Variants in CPT1C observed in about 807,000 individuals in gnomAD.
CPT1C encodes palmitoyl thioesterase CPT1C.
Under a neutral mutation model 97.3 loss-of-function variants are expected in CPT1C, and 61 were observed. The ratio of observed to expected loss-of-function variants is 0.63; its 90% CI spans 0.51 to 0.78. CPT1C has a LOEUF of 0.78. Among genes scored for constraint, CPT1C ranks in the 30% least tolerant of loss-of-function variants. The pLI is 0.00. For missense variants in CPT1C, 975 were observed against 1,065.5 expected (o/e 0.92, Z 1.18); for synonymous variants, 469 against 447.2 (o/e 1.05, Z -0.61).
intron 17 of CPT1C, chr19:49,712,492 G>A (rs2083958952): frequency 3.7e-6 from 2 of 543,186 alleles, no homozygotes; most frequent in East Asian, 3.2e-5. Context: ...GGGGATAAGA[G>A]GAAAGGGCGT....
At position 49,705,275 on chromosome 19, in the gene CPT1C, C is replaced by T. The variant is rs779343090; in HGVS notation, c.941C>T (p.Thr314Met). Residue 314 changes from threonine to methionine, a missense_variant, in exon 10 of 20, where the codon ACG becomes ATG. Around this residue, in one of 3 missense-constraint regions of CPT1C, gnomAD observed 596 missense variants for 603.1 expected, o/e 0.99. Coordinates refer to ENST00000598293, the MANE Select transcript of CPT1C (RefSeq NM_001199753.2). ...SAQYEKIFNT[T>M]RIPGVQKDYI... Reference sequence around the variant, plus strand: ...CAGTACGAGAAGATCTTCAACACCACGCGGATTCCAGGGGTCCAAAAAGGT... The same window carrying T: ...CAGTACGAGAAGATCTTCAACACCATGCGGATTCCAGGGGTCCAAAAAGGT... The T allele has an allele frequency of 8.7e-6, 14 of 1,603,582 alleles. No homozygotes were observed. The highest frequency in any genetic ancestry group is 1.7e-5 in the Admixed American group (1 of 59,538).
chr19:49,701,769 A>T (rs2083075913), intron 7 of CPT1C, 135 bp downstream of exon 7: 1 of 863,212 alleles, frequency 1.2e-6, no homozygotes, highest in Non-Finnish European at 1.6e-6. Context: ...AAGGGTCAAT[A>T]CCCTGAGCCC....
intron 2 of CPT1C, 65 bp from the exon 3 acceptor site, chr19:49,692,174 G>C: frequency 6.4e-7 from 1 of 1,554,248 alleles, no homozygotes; most frequent in Non-Finnish European, 8.7e-7. Flanking sequence ...GGGGCTGGGG[G>C]CCTGGACTCC....
Position 49,692,319 on chromosome 19 carries a change from C to T in CPT1C, c.67C>T (p.Leu23Phe), listed in dbSNP as rs1238683879. The part of the protein sequence containing the change: ...SLTSDGAEVE[L>F]SAPVLQEIYL... Reference sequence around the variant, plus strand: ...GACCTCGGACGGGGCTGAAGTGGAACTCAGTGCCCCTGTGCTGCAGGAGAT... The same window carrying T: ...GACCTCGGACGGGGCTGAAGTGGAATTCAGTGCCCCTGTGCTGCAGGAGAT... Residue 23 changes from leucine (L) to phenylalanine (F), a missense_variant, in exon 3 of 20, where the codon CTC (leucine) becomes TTC (phenylalanine). By Grantham distance (22) the Leu-to-Phe change is conservative. Transcript: ENST00000598293. 2 of 1,613,988 alleles carry T rather than the reference C, an allele frequency of 1.2e-6. No individual in the cohort carries two copies. The highest frequency in any genetic ancestry group is 1.1e-5 in the South Asian group (1 of 91,086).
intron 15 of CPT1C, 24 bp from the exon 16 acceptor site, chr19:49,710,699 C>T (rs1719416054): frequency 2.5e-6 from 4 of 1,604,296 alleles, no homozygotes; most frequent in Non-Finnish European, 3.4e-6. Context: ...CTGACAGACT[C>T]CTCTTCTCCT....
At position 49,708,738 on chromosome 19, in the gene CPT1C, G is replaced by GA; in HGVS notation, c.1467dup (p.Cys490MetfsTer50). ...TTGCCCACAGTTCACTCTGGCTACAGAATGCTTTCAGCTGGGCTACTCAAC... is the reference window on the plus strand; with the variant it reads ...TTGCCCACAGTTCACTCTGGCTACAGAAATGCTTTCAGCTGGGCTACTCAAC... On this transcript the variant is annotated frameshift_variant, in exon 14 of 20. Transcript: ENST00000598293. LOFTEE classifies it high-confidence loss of function. 6.2e-7 allele frequency: 1 copy of GA among 1,613,852 alleles called. No individual in the cohort carries two copies. Among genetic ancestry groups the GA allele is most frequent in the Non-Finnish European group, 8.5e-7 (1 of 1,179,812 alleles).
At chr19:49,703,671 C>T (rs1056005355) in intron 7 of CPT1C, among the ~76,000 whole-genome samples, 1 of 148,296 alleles carries the variant, frequency 6.7e-6, no homozygotes, top group African/African-American at 2.5e-5. Flanking sequence ...CTCACTCTGT[C>T]ACCCAGGCTG....
chr19:49,692,264 G>A lies in CPT1C; in HGVS notation c.12G>A (p.Ala4=), dbSNP rs767198034. 6.2e-7 allele frequency: 1 copy of A among 1,613,842 alleles called. No individual in the cohort carries two copies. The highest frequency in any genetic ancestry group is 1.1e-5 in the South Asian group (1 of 91,082). The change falls in exon 3 of 20, where the codon GCG becomes GCA. Residue 4 remains alanine (A), a synonymous_variant. Coordinates refer to ENST00000598293, the MANE Select transcript of CPT1C (RefSeq NM_001199753.2). ...GGCTCCAGCGTGACATGGCTGAAGC[G>A]CACCAGGCCGTGGGCTTCCGACCCT... MAE[A]HQAVGFRPSL...
At chr19:49,697,575 A>G in intron 4 of CPT1C, 110 bp downstream of exon 4, 1 of 1,287,440 alleles carries the variant, frequency 7.8e-7, no homozygotes, top group Non-Finnish European at 1.1e-6. Flanking sequence ...TCTGAGACTT[A>G]CATTGGGTCA....
Position 49,705,956 on chromosome 19 carries a change from C to T in CPT1C, c.1012C>T (p.Arg338Trp), listed in dbSNP as rs764082634. The T allele has an allele frequency of 1.4e-5, 22 of 1,613,904 alleles. No individual in the cohort carries two copies. Among genetic ancestry groups the T allele is most frequent in the East Asian group, 8.9e-5 (4 of 44,880 alleles). The change falls in exon 11 of 20, where the codon CGG becomes TGG. Residue 338 changes from arginine (R) to tryptophan (W), a missense_variant. This residue lies in a region of CPT1C where 596 missense variants were observed against 603.1 expected (regional missense o/e 0.99). Transcript: ENST00000598293. Reference protein sequence around the residue: ...HDSQHVAVFHRGRFFRMGTHS... With the variant: ...HDSQHVAVFHWGRFFRMGTHS... Reference sequence around the variant, plus strand: ...CAGCCAACACGTGGCTGTCTTCCACCGGGGCCGATTCTTCCGCATGGGGAC... The same window carrying T: ...CAGCCAACACGTGGCTGTCTTCCACTGGGGCCGATTCTTCCGCATGGGGAC...
intron 3 of CPT1C, among the ~76,000 whole-genome samples, chr19:49,692,889 C>CTTAT (rs771010200): frequency 1.3e-4 from 19 of 151,996 alleles, no homozygotes; most frequent in East Asian, 5.8e-4. Flanking sequence ...CCATGCCTGG[C>CTTAT]TTATTTATTT....
chr19:49,695,111 A>G (rs2123136800), intron 3 of CPT1C, among the ~76,000 whole-genome samples: 2 of 152,116 alleles, frequency 1.3e-5, no homozygotes, highest in Middle Eastern at 6.8e-3. Context: ...ACTGCACTCC[A>G]GCCTGGGCAA....
In CPT1C at chr19:49,710,425, C is replaced by T. The variant is rs778226345; in HGVS notation, c.1672C>T (p.Arg558Cys). ...CCTATTTGGCAAGAGCTTCATCCGA[C>T]GCTGCCACCTCTCTTCAGACAGCTT... ...FSLFGKSFIR[R>C]CHLSSDSFIQ... The change falls in exon 15 of 20, where the codon CGC (arginine) becomes TGC (cysteine). Residue 558 changes from arginine to cysteine, a missense_variant. Transcript: ENST00000598293. 34 of 1,614,074 alleles carry T rather than the reference C, an allele frequency of 2.1e-5. No homozygotes were observed. The highest frequency in any genetic ancestry group is 8.9e-5 in the East Asian group (4 of 44,888).
chr19:49,703,427 C>T (rs2083303068), intron 7 of CPT1C, among the ~76,000 whole-genome samples: 1 of 151,014 alleles, frequency 6.6e-6, no homozygotes, highest in Admixed American at 6.6e-5. Flanking sequence ...GTCTCGACCT[C>T]CTGACCTCGT....
Position 49,703,500 on chromosome 19 carries a change from CTCTT to C in CPT1C, c.694-1194_694-1191del, listed in dbSNP as rs34556306. On this transcript the variant is annotated intron_variant, in intron 7 of 19. Transcript: ENST00000598293. The stretch of plus-strand genomic sequence containing the variant: ...ACAGGCGTGAGCCACCATGCCCGGC[CTCTT>C]TCTTTCTTTCTTTCTCTATCTTTCT... Among the ~76,000 whole-genome samples, 104 of 147,590 alleles carry C rather than the reference CTCTT, an allele frequency of 7.0e-4. 1 individual carries two copies. The highest frequency in any genetic ancestry group is 2.1e-3 in the African/African-American group (84 of 40,370).
intron 14 of CPT1C, among the ~76,000 whole-genome samples, chr19:49,709,836 G>A (rs958863997): frequency 2.0e-5 from 3 of 150,320 alleles, no homozygotes; most frequent in Admixed American, 6.6e-5. Context: ...GATTACAGGC[G>A]TGAGCCACCG....
intron 2 of CPT1C, 41 bp from the exon 3 acceptor site, chr19:49,692,198 G>A (rs115751101): frequency 0.066 from 105,192 of 1,600,184 alleles, 4,536 homozygotes; most frequent in African/African-American, 0.19. Flanking sequence ...GTCTGAGGGC[G>A]GAGGGGCTGG....
rs780195851 is a variant in CPT1C, at chr19:49,705,962, C to T, written c.1018C>T (p.Arg340Ter). The change falls in exon 11 of 20, where the codon CGA becomes TGA. Residue 340 changes from arginine (R) to a stop codon, truncating the protein, a stop_gained. Coordinates refer to ENST00000598293, the MANE Select transcript of CPT1C (RefSeq NM_001199753.2). LOFTEE classifies it high-confidence loss of function. ...ACACGTGGCTGTCTTCCACCGGGGC[C>T]GATTCTTCCGCATGGGGACCCACTC... ...SQHVAVFHRG[R>*]FFRMGTHSRN... 1.1e-5 allele frequency: 18 copies of T among 1,613,830 alleles called. No individual in the cohort carries two copies. Among genetic ancestry groups the T allele is most frequent in the East Asian group, 2.2e-5 (1 of 44,892 alleles).
At chr19:49,692,497 C>A in intron 3 of CPT1C, 104 bp downstream of exon 3, 1 of 1,388,352 alleles carries the variant, frequency 7.2e-7, no homozygotes. Flanking sequence ...TTCTGGGAGA[C>A]TATCACCCCT....
Sources: allele counts gnomAD v4.1 joint callset (sites outside exome capture counted in the v4.1 genomes callset), GRCh38; gene constraint gnomAD v4.1.1; regional missense constraint gnomAD v4.1.1; transcripts MANE v1.5; gene names NCBI Gene and HGNC (gene_info 2026-07-23, HGNC 2026-07-21).